Variants in PCDH10 observed in about 807,000 individuals in gnomAD.
PCDH10 encodes protocadherin-10.
Under a neutral mutation model 74.4 loss-of-function variants are expected in PCDH10, and 15 were observed. The ratio of observed to expected loss-of-function variants is 0.20; its 90% CI spans 0.13 to 0.31. The LOEUF (loss-of-function observed/expected upper bound fraction) is 0.31, where lower values mean the gene tolerates loss of function less well. Ranked by LOEUF, PCDH10 falls within the 10% of genes least tolerant of loss-of-function variation. PCDH10 has a pLI of 1.00. For missense variants in PCDH10, 1,260 were observed against 1,390.2 expected (o/e 0.91, Z 1.49); for synonymous variants, 619 against 589.8 (o/e 1.05, Z -0.72).
Position 133,163,294 on chromosome 4 carries a change from A to G in PCDH10, c.3103+12A>G, listed in dbSNP as rs145558488. Reference sequence around the variant, plus strand: ...ACCACCATATTTGAGTAAGTATTACACAAAGGGCTCTGTTAAAGTGTTCCC... The same window carrying G: ...ACCACCATATTTGAGTAAGTATTACGCAAAGGGCTCTGTTAAAGTGTTCCC... On this transcript the variant is annotated intron_variant, in intron 4 of 4. Transcript: ENST00000264360. The G allele has an allele frequency of 7.9e-3, 12,501 of 1,589,670 alleles. 92 individuals carry two copies. Among genetic ancestry groups the G allele is most frequent in the South Asian group, 0.019 (1,679 of 88,370 alleles).
At chr4:133,206,558 C>T (rs978383584) in intron 2 of PCDH10, among the ~76,000 whole-genome samples, 1 of 152,182 alleles carries the variant, frequency 6.6e-6, no homozygotes, top group East Asian at 1.9e-4. Flanking sequence ...CTCTTAGCTT[C>T]CAGCTAAGGT....
At chr4:133,188,671 T>TG (rs1727591705) in intron 4 of PCDH10, among the ~76,000 whole-genome samples, 1 of 138,530 alleles carries the variant, frequency 7.2e-6, no homozygotes, top group Non-Finnish European at 1.6e-5. Context: ...ATGGGTTTTT[T>TG]TTTTTTTTTT....
Position 133,192,265 on chromosome 4 carries a change from G to A in PCDH10, c.*2105G>A, listed in dbSNP as rs1162368637. 1 of 151,494 alleles carries A rather than the reference G, an allele frequency of 6.6e-6. No homozygotes were observed. Among genetic ancestry groups the A allele is most frequent in the Non-Finnish European group, 1.5e-5 (1 of 67,636 alleles). 9.4% of individuals were successfully genotyped at this position (151,494 alleles called of 1,614,324 possible). A position where few individuals can be genotyped will look rare whatever the true frequency, so the allele number is the denominator to read the frequency against. ...ATATTTTGAATGATAGACTATTTTA[G>A]TAAGGAAATGTTTATACATAATTTA... is the stretch of plus-strand genomic sequence containing the variant. On this transcript the variant is annotated 3_prime_UTR_variant, in exon 5 of 5. Transcript: ENST00000264360.
At chr4:133,161,682 T>C (rs967816328) in intron 3 of PCDH10, among the ~76,000 whole-genome samples, 1 of 151,816 alleles carries the variant, frequency 6.6e-6, no homozygotes, top group Non-Finnish European at 1.5e-5. Context: ...ACTAATAATA[T>C]ACTTTTGTTT....
At chr4:133,201,720 G>T (rs1211301436) in intron 2 of PCDH10, among the ~76,000 whole-genome samples, 1 of 152,068 alleles carries the variant, frequency 6.6e-6, no homozygotes, top group African/African-American at 2.4e-5. Context: ...GCCGGGCATG[G>T]TGGCTCATGC....
Position 133,152,085 on chromosome 4 carries a change from G to A in PCDH10, c.1945G>A (p.Asp649Asn), listed in dbSNP as rs1232278290. 1 of 1,596,632 alleles carries A rather than the reference G, an allele frequency of 6.3e-7. No homozygotes were observed. The highest frequency in any genetic ancestry group is 8.5e-7 in the Non-Finnish European group (1 of 1,172,102). The change falls in exon 1 of 5, where the codon GAC (aspartate) becomes AAC (asparagine). Residue 649 changes from aspartate to asparagine, a missense_variant. Asp to Asn is a conservative substitution (Grantham distance 23). Transcript: ENST00000264360. ...RTARRVPAKR[D>N]PQRPYELVIE... ...AGCACGCCGAGTCCCGGCCAAGCGC[G>A]ACCCCCAGCGGCCTTATGAGCTGGT...
intron 2 of PCDH10, among the ~76,000 whole-genome samples, chr4:133,207,275 A>G (rs1352464020): frequency 6.6e-6 from 1 of 152,110 alleles, no homozygotes; most frequent in African/African-American, 2.4e-5. Context: ...TGGTTTATTT[A>G]CCATATTACT....
At chr4:133,159,219 G>A (rs1194148130) in intron 3 of PCDH10, among the ~76,000 whole-genome samples, 1 of 152,000 alleles carries the variant, frequency 6.6e-6, no homozygotes, top group Non-Finnish European at 1.5e-5. Flanking sequence ...CGAAAAAGTA[G>A]CACAAATTGA....
rs1026257173 is a variant in PCDH10 at position 133,190,649 on chromosome 4, A to C, written c.*489A>C. On this transcript the variant is annotated 3_prime_UTR_variant, in exon 5 of 5. Transcript: ENST00000264360. ...TCTTTTCACCTGTGGGTTATAAAAA[A>C]TGTTGTATTCTGAAGACCCACAAAA... 6.5e-6 allele frequency: 1 copy of C among 153,108 alleles called. No homozygotes were observed. The highest frequency in any genetic ancestry group is 2.4e-5 in the African/African-American group (1 of 41,456). The allele number at this position is 153,108 out of a possible 1,614,324, so 9.5% of individuals were successfully genotyped here.
chr4:133,169,889 A>T (rs747919385), intron 4 of PCDH10, among the ~76,000 whole-genome samples: 1 of 152,086 alleles, frequency 6.6e-6, no homozygotes, highest in Non-Finnish European at 1.5e-5. Flanking sequence ...TAGATAATAT[A>T]GATTAGAAAC....
At chr4:133,181,287 GT>G (rs1044030146) in intron 4 of PCDH10, among the ~76,000 whole-genome samples, 5 of 151,664 alleles carry the variant, frequency 3.3e-5, no homozygotes, top group East Asian at 1.9e-4. Flanking sequence ...AGATAACTTA[GT>G]TTTTTTTATC....
At chr4:133,172,056 C>A (rs1380569161) in intron 4 of PCDH10, among the ~76,000 whole-genome samples, 2 of 151,930 alleles carry the variant, frequency 1.3e-5, no homozygotes, top group Non-Finnish European at 2.9e-5. Context: ...TTCAAGCATA[C>A]AACAGTAGAG....
At position 133,152,373 on chromosome 4, in the gene PCDH10, A is replaced by C. The variant is rs1172348527; in HGVS notation, c.2233A>C (p.Lys745Gln). The C allele has an allele frequency of 1.2e-6, 2 of 1,614,080 alleles. No homozygotes were observed. The highest frequency in any genetic ancestry group is 1.3e-5 in the African/African-American group (1 of 74,936). Residue 745 changes from lysine to glutamine, a missense_variant, in exon 1 of 5, where the codon AAG becomes CAG. Around this residue, in one of 11 missense-constraint regions of PCDH10, gnomAD observed 587 missense variants for 616.9 expected, o/e 0.95. Transcript: ENST00000264360. ...VLAVRCQKEK[K>Q]LNIYTCLASD... ...GGCCGTGCGTTGCCAAAAAGAGAAG[A>C]AGCTCAACATCTATACTTGTCTGGC...
chr4:133,199,761 AATT>A lies in PCDH10; in HGVS notation n.438-8292_438-8290del, dbSNP rs10682546. On this transcript the variant is annotated intron_variant and non_coding_transcript_variant, in intron 2 of 2. Coordinates refer to the PCDH10 transcript ENST00000511112. The stretch of plus-strand genomic sequence containing the variant: ...TTTAAACAACTCCACAGTTGTTTTT[AATT>A]ATTATTATTATTATTATTATTACTA... Among the ~76,000 whole-genome samples, 612 of 146,314 alleles carry A rather than the reference AATT, an allele frequency of 4.2e-3. 4 individuals carry two copies. The highest frequency in any genetic ancestry group is 7.2e-3 in the Middle Eastern group (2 of 278).
chr4:133,184,790 ATATATTTATATAT>A (rs1298472361), intron 4 of PCDH10, among the ~76,000 whole-genome samples: 9 of 138,978 alleles, frequency 6.5e-5, no homozygotes, highest in Admixed American at 2.3e-4. Flanking sequence ...ATATAAATAT[ATATATTTATATAT>A]ATATATTTAT....
downstream of PCDH10, among the ~76,000 whole-genome samples, chr4:133,198,390 G>T (rs575112448): frequency 6.6e-6 from 1 of 152,098 alleles, no homozygotes; most frequent in Non-Finnish European, 1.5e-5. Context: ...GAAAACAAAT[G>T]ATAAGTAATT....
intron 4 of PCDH10, among the ~76,000 whole-genome samples, chr4:133,180,504 GT>G (rs1727394182): frequency 6.6e-6 from 1 of 151,908 alleles, no homozygotes; most frequent in African/African-American, 2.4e-5. Context: ...TTAATATCAT[GT>G]TGAAGGATTT....
At chr4:133,156,739 T>C (rs866286404) in intron 3 of PCDH10, among the ~76,000 whole-genome samples, 1 of 152,230 alleles carries the variant, frequency 6.6e-6, no homozygotes, top group Non-Finnish European at 1.5e-5. Flanking sequence ...CTGTAGCACT[T>C]CAATCTCAAT....
At position 133,150,264 on chromosome 4, in the gene PCDH10, G is replaced by C; in HGVS notation, c.124G>C (p.Gly42Arg). The stretch of plus-strand genomic sequence containing the variant: ...CGTGGGGAATATCGCTGAAGATCTG[G>C]GTCTGGACATTACAAAACTTTCGGC... The part of the protein sequence containing the change: ...TFVGNIAEDL[G>R]LDITKLSARG... The change falls in exon 1 of 5, where the codon GGT (glycine) becomes CGT (arginine). Residue 42 changes from glycine (G) to arginine (R), a missense_variant. Coordinates refer to ENST00000264360, the MANE Select transcript of PCDH10 (RefSeq NM_032961.3). 3.1e-6 allele frequency: 5 copies of C among 1,613,968 alleles called. No homozygotes were observed. The highest frequency in any genetic ancestry group is 4.2e-6 in the Non-Finnish European group (5 of 1,179,994).
Sources: allele counts gnomAD v4.1 joint callset (sites outside exome capture counted in the v4.1 genomes callset), GRCh38; gene constraint gnomAD v4.1.1; regional missense constraint gnomAD v4.1.1; transcripts MANE v1.5; gene names NCBI Gene and HGNC (gene_info 2026-07-23, HGNC 2026-07-21).